C6orf163: variants seen among roughly 807,000 people sequenced by gnomAD.
The protein encoded by C6orf163 is uncharacterized protein C6orf163.
Under a neutral mutation model 28.4 loss-of-function variants are expected in C6orf163, and 22 were observed. The observed-to-expected ratio is 0.78, with a 90% CI of 0.55 to 1.11. The LOEUF is 1.11. Ranked by LOEUF, C6orf163 falls within the 50% of genes least tolerant of loss-of-function variation. The pLI, the probability that C6orf163 is intolerant of heterozygous loss-of-function variation, is 0.00. For synonymous variants in C6orf163, 110 were observed against 123.6 expected (o/e 0.89, Z 0.73); for missense variants, 342 against 389.1 (o/e 0.88, Z 1.02).
rs140549914 is a variant in C6orf163 at position 87,348,946 on chromosome 6, C to T, written c.243+40C>T. The T allele has an allele frequency of 3.9e-4, 598 of 1,532,402 alleles. 6 individuals carry two copies. In the East Asian group the frequency reaches 0.011, roughly 29 times the overall value. The allele number at this position is 1,532,402 out of a possible 1,614,324, so 94.9% of individuals were successfully genotyped here. Reference sequence around the variant, plus strand: ...ATGTCAACCTAAAGTCCATCTTTACCGTTCTTTCACATTTTGGATTTGTCT... The same window carrying T: ...ATGTCAACCTAAAGTCCATCTTTACTGTTCTTTCACATTTTGGATTTGTCT... On this transcript the variant is annotated intron_variant, in intron 2 of 4. Transcript: ENST00000388923.
At chr6:87,346,308 G>A (rs1404307983) in intron 1 of C6orf163, among the ~76,000 whole-genome samples, 2 of 152,090 alleles carry the variant, frequency 1.3e-5, no homozygotes, top group Non-Finnish European at 2.9e-5. Flanking sequence ...AGATCAAATT[G>A]GAATCATCTT....
At chr6:87,361,736 C>G (rs914170484) in intron 4 of C6orf163, among the ~76,000 whole-genome samples, 9 of 152,180 alleles carry the variant, frequency 5.9e-5, no homozygotes, top group East Asian at 1.9e-4. Context: ...CTCCTGTGAC[C>G]CGGGTTGAAA....
At chr6:87,363,232 T>G (rs549061492) in intron 4 of C6orf163, among the ~76,000 whole-genome samples, 1 of 152,294 alleles carries the variant, frequency 6.6e-6, no homozygotes, top group Admixed American at 6.5e-5. Context: ...AGTATATTAA[T>G]CATTTAGCAG....
intron 4 of C6orf163, chr6:87,359,050 T>C (rs1777545988): frequency 6.6e-6 from 1 of 152,258 alleles, no homozygotes; most frequent in Admixed American, 6.5e-5. Flanking sequence ...GTGGCACAAA[T>C]TAAGAGCCCT....
At chr6:87,350,307 AC>A in intron 2 of C6orf163, 86 bp from the exon 3 acceptor site, 1 of 805,394 alleles carries the variant, frequency 1.2e-6, no homozygotes, top group Non-Finnish European at 2.0e-6. Context: ...AAACTTGAAA[AC>A]CTGATTTACC....
Position 87,350,502 on chromosome 6 carries a change from GT to G in C6orf163, c.351+6del. The G allele has an allele frequency of 6.8e-7, 1 of 1,461,684 alleles. No individual in the cohort carries two copies. Among genetic ancestry groups the G allele is most frequent in the Non-Finnish European group, 9.2e-7 (1 of 1,082,472 alleles). The allele number at this position is 1,461,684 out of a possible 1,614,324, so 90.5% of individuals were successfully genotyped here. A position where few individuals can be genotyped will look rare whatever the true frequency, so the allele number is the denominator to read the frequency against. On this transcript the variant is annotated splice_donor_variant, in intron 3 of 4. Transcript: ENST00000388923. LOFTEE classifies it high-confidence loss of function. Reference sequence around the variant, plus strand: ...AGAGGAACATCAGAAAGATTTACAGGTTTTTATAGTGGCTTATTTGTTGTCT... The same window carrying G: ...AGAGGAACATCAGAAAGATTTACAGGTTTTATAGTGGCTTATTTGTTGTCT...
chr6:87,356,392 A>T lies in C6orf163; in HGVS notation c.443A>T (p.His148Leu). The T allele has an allele frequency of 5.8e-6, 9 of 1,551,764 alleles. No homozygotes were observed. Among genetic ancestry groups the T allele is most frequent in the Non-Finnish European group, 6.1e-6 (7 of 1,146,984 alleles). The change falls in exon 4 of 5, where the codon CAC becomes CTC. Residue 148 changes from histidine (H) to leucine (L), a missense_variant. His to Leu is a moderately conservative substitution (Grantham distance 99). Coordinates refer to ENST00000388923, the MANE Select transcript of C6orf163 (RefSeq NM_001010868.3). ...TTGGCTGCAGAACAGCGCATGGTCC[A>T]CAGAATCCAAAGGATTATGATGGAA... ...EHLAAEQRMV[H>L]RIQRIMMECH...
At chr6:87,353,149 C>T (rs1777443468) in intron 3 of C6orf163, among the ~76,000 whole-genome samples, 1 of 152,072 alleles carries the variant, frequency 6.6e-6, no homozygotes, top group Non-Finnish European at 1.5e-5. Flanking sequence ...AAAAGAGGGA[C>T]TGAGTTCAAT....
At chr6:87,348,083 A>G in intron 1 of C6orf163, 1 of 585,978 alleles carries the variant, frequency 1.7e-6, no homozygotes, top group Non-Finnish European at 2.2e-6. Flanking sequence ...TTGAAACGGG[A>G]GGCGGAGGTT....
chr6:87,345,259 T>C lies in C6orf163; in HGVS notation c.148+12T>C. Reference sequence around the variant, plus strand: ...CAAAGACATACTAGGTAAGTGACTTTATCGTTTTCCTTTGTTCTAATGCTT... The same window carrying C: ...CAAAGACATACTAGGTAAGTGACTTCATCGTTTTCCTTTGTTCTAATGCTT... On this transcript the variant is annotated intron_variant, in intron 1 of 4. Coordinates refer to ENST00000388923, the MANE Select transcript of C6orf163 (RefSeq NM_001010868.3). The C allele has an allele frequency of 1.3e-6, 2 of 1,511,024 alleles. No individual in the cohort carries two copies. The highest frequency in any genetic ancestry group is 1.8e-6 in the Non-Finnish European group (2 of 1,138,808). The allele number at this position is 1,511,024 out of a possible 1,614,324, so 93.6% of individuals were successfully genotyped here.
intron 4 of C6orf163, chr6:87,357,635 AG>A (rs1562231227): frequency 6.6e-6 from 1 of 152,278 alleles, no homozygotes; most frequent in South Asian, 2.1e-4. Context: ...GGATACCAGG[AG>A]GGGGTTAGGG....
At chr6:87,359,373 G>A (rs951491770) in intron 4 of C6orf163, among the ~76,000 whole-genome samples, 34 of 152,188 alleles carry the variant, frequency 2.2e-4, no homozygotes, top group Admixed American at 5.2e-4. Context: ...TTAACAACCC[G>A]GGGATAGAAA....
chr6:87,359,658 ATTAG>A (rs1777554781), intron 4 of C6orf163, among the ~76,000 whole-genome samples: 1 of 152,230 alleles, frequency 6.6e-6, no homozygotes, highest in African/African-American at 2.4e-5. Context: ...TTTTTTCCCT[ATTAG>A]TTAAGATTGA....
chr6:87,357,747 T>TC (rs1305323232), intron 4 of C6orf163: 2 of 151,172 alleles, frequency 1.3e-5, no homozygotes, highest in East Asian at 3.9e-4. Flanking sequence ...AGCCTCTGGG[T>TC]CCCCTCCTCA....
At chr6:87,352,721 A>G (rs1363989154) in intron 3 of C6orf163, among the ~76,000 whole-genome samples, 2 of 152,330 alleles carry the variant, frequency 1.3e-5, no homozygotes, top group Non-Finnish European at 2.9e-5. Context: ...GTCCTGTGCA[A>G]TTATCACTGA....
intron 3 of C6orf163, among the ~76,000 whole-genome samples, chr6:87,352,751 G>A (rs771281417): frequency 2.0e-5 from 3 of 152,108 alleles, no homozygotes; most frequent in Non-Finnish European, 4.4e-5. Context: ...GAGCTTTCTG[G>A]CAGCCAATGC....
At chr6:87,360,673 T>A (rs1777567863) in intron 4 of C6orf163, among the ~76,000 whole-genome samples, 2 of 152,168 alleles carry the variant, frequency 1.3e-5, no homozygotes, top group South Asian at 4.1e-4. Context: ...AGTGCTGGGA[T>A]TACAGGCGTG....
chr6:87,364,322 T>C (rs1777617140), intron 4 of C6orf163, among the ~76,000 whole-genome samples: 1 of 152,142 alleles, frequency 6.6e-6, no homozygotes, highest in Admixed American at 6.5e-5. Context: ...TCATGAAATA[T>C]TTCATTGTTT....
At chr6:87,364,317 A>C (rs1005691594) in intron 4 of C6orf163, among the ~76,000 whole-genome samples, 11 of 152,128 alleles carry the variant, frequency 7.2e-5, no homozygotes, top group South Asian at 2.1e-4. Flanking sequence ...TCTTCTCATG[A>C]AATATTTCAT....
Sources: allele counts gnomAD v4.1 joint callset (sites outside exome capture counted in the v4.1 genomes callset), GRCh38; gene constraint gnomAD v4.1.1; transcripts MANE v1.5; gene names NCBI Gene and HGNC (gene_info 2026-07-23, HGNC 2026-07-21).